STRN3: variants seen among roughly 807,000 people sequenced by gnomAD.
STRN3 encodes striatin 3.
A neutral mutation model predicts 95.6 loss-of-function variants in STRN3; 29 were observed. That is an observed-to-expected ratio of 0.30 (90% CI 0.23 to 0.41). The LOEUF (loss-of-function observed/expected upper bound fraction) is 0.41. STRN3 is among the 10% of genes least tolerant of loss of function. The pLI is 1.00. For synonymous variants in STRN3, 331 were observed against 357.6 expected, an observed-to-expected ratio of 0.93 and a Z score of 0.84; for missense variants, 890 against 972.1, an observed-to-expected ratio of 0.92 and a Z score of 1.12.
At chr14:30,957,483 A>G (rs368271636) in intron 1 of STRN3, among the ~76,000 whole-genome samples, 22 of 152,006 alleles carry the variant, frequency 1.4e-4, no homozygotes, top group African/African-American at 4.8e-4. Context: ...AGAGAGAAAA[A>G]AGAAAATGTA....
At chr14:30,910,317 G>A (rs138718038) in intron 13 of STRN3, among the ~76,000 whole-genome samples, 36 of 152,000 alleles carry the variant, frequency 2.4e-4, no homozygotes, top group Admixed American at 6.6e-4. Context: ...CCATCCCTTC[G>A]CTTATCTGTT....
At chr14:30,995,168 G>C (rs1449442469) in intron 1 of STRN3, among the ~76,000 whole-genome samples, 2 of 152,188 alleles carry the variant, frequency 1.3e-5, no homozygotes, top group East Asian at 1.9e-4. Context: ...TTCCAAAGCT[G>C]TGAATCATCT....
Position 31,021,116 on chromosome 14 carries a change from A to C in STRN3, c.282+4788T>G, listed in dbSNP as rs150507741. Among the ~76,000 whole-genome samples the C allele has an allele frequency of 6.9e-4, 105 of 152,328 alleles. No individual in the cohort carries two copies. In the East Asian group the frequency reaches 0.014, roughly 20 times the overall value. On this transcript the variant is annotated intron_variant, in intron 1 of 17. Coordinates refer to ENST00000357479, the MANE Select transcript of STRN3 (RefSeq NM_001083893.2). Reference sequence around the variant, plus strand: ...CGATGGGGAGGATAGTGTTAACTTTAATGTGGCAAGGAATAAAGAATGAGC... The same window carrying C: ...CGATGGGGAGGATAGTGTTAACTTTCATGTGGCAAGGAATAAAGAATGAGC...
intron 15 of STRN3, 123 bp downstream of exon 15, chr14:30,905,295 A>G (rs1425057542): frequency 1.9e-6 from 2 of 1,041,096 alleles, no homozygotes; most frequent in Non-Finnish European, 1.3e-6. Context: ...CTGTAACATT[A>G]TGAAACTAAT....
At chr14:30,947,846 A>G (rs750944098) in intron 4 of STRN3, among the ~76,000 whole-genome samples, 1 of 152,190 alleles carries the variant, frequency 6.6e-6, no homozygotes, top group Non-Finnish European at 1.5e-5. Flanking sequence ...CTAAGATGAG[A>G]CTGGAAAAGA....
intron 1 of STRN3, among the ~76,000 whole-genome samples, chr14:31,016,529 GAA>G (rs985722450): frequency 2.7e-4 from 41 of 151,496 alleles, no homozygotes; most frequent in African/African-American, 9.0e-4. Context: ...AAATATTCCA[GAA>G]AAATAATAAA....
intron 8 of STRN3, among the ~76,000 whole-genome samples, chr14:30,922,902 C>G (rs1412665445): frequency 6.6e-6 from 1 of 151,980 alleles, no homozygotes; most frequent in Non-Finnish European, 1.5e-5. Context: ...AGGCAAAATA[C>G]CTAAGTTATT....
At chr14:31,018,109 T>A (rs1883330042) in intron 1 of STRN3, among the ~76,000 whole-genome samples, 1 of 148,210 alleles carries the variant, frequency 6.7e-6, no homozygotes. Flanking sequence ...GGAAATTAAT[T>A]TAAATAAATT....
intron 1 of STRN3, among the ~76,000 whole-genome samples, chr14:31,006,494 G>A (rs896864321): frequency 6.6e-6 from 1 of 151,950 alleles, no homozygotes; most frequent in Non-Finnish European, 1.5e-5. Flanking sequence ...TTAGGAGTTC[G>A]AGACCAGCCT....
intron 1 of STRN3, among the ~76,000 whole-genome samples, chr14:30,972,574 G>A (rs1415990712): frequency 6.6e-6 from 1 of 152,084 alleles, no homozygotes; most frequent in Non-Finnish European, 1.5e-5. Flanking sequence ...ACTGAGACAG[G>A]AGGATCACCT....
intron 1 of STRN3, among the ~76,000 whole-genome samples, chr14:30,966,446 C>T (rs1014318502): frequency 5.3e-5 from 8 of 152,198 alleles, no homozygotes; most frequent in African/African-American, 1.7e-4. Flanking sequence ...GTCTCTGTTT[C>T]TCTCTCGTGA....
chr14:30,982,762 A>AT (rs1055999011), intron 1 of STRN3, among the ~76,000 whole-genome samples: 2 of 151,950 alleles, frequency 1.3e-5, no homozygotes, highest in African/African-American at 4.8e-5. Context: ...ATGGTACTTT[A>AT]TTTTTTTACT....
Position 30,911,759 on chromosome 14 carries a change from C to T in STRN3, c.1598+18G>A, listed in dbSNP as rs769653879. 9.4e-6 allele frequency: 15 copies of T among 1,589,650 alleles called. No homozygotes were observed. The highest frequency in any genetic ancestry group is 1.2e-5 in the Non-Finnish European group (14 of 1,167,334). On this transcript the variant is annotated intron_variant, in intron 12 of 17. Coordinates refer to ENST00000357479, the MANE Select transcript of STRN3 (RefSeq NM_001083893.2). ...AATAATGATGATGTTAATTAAATAC[C>T]AATTCAGTAAAACTTACATGTGGGC... is the stretch of plus-strand genomic sequence containing the variant.
At chr14:31,003,349 GA>G (rs546113177) in intron 1 of STRN3, among the ~76,000 whole-genome samples, 55 of 142,924 alleles carry the variant, frequency 3.8e-4, no homozygotes, top group East Asian at 3.2e-3. Flanking sequence ...TTAAAAATTG[GA>G]AAAAAAAAAA....
chr14:31,026,068 C>T lies in STRN3; in HGVS notation c.118G>A (p.Gly40Ser). Residue 40 changes from glycine to serine, a missense_variant, in exon 1 of 18, where the codon GGC (glycine) becomes AGC (serine). By Grantham distance (56) the Gly-to-Ser change is moderately conservative. Coordinates refer to ENST00000357479, the MANE Select transcript of STRN3 (RefSeq NM_001083893.2). ...CCCTCGGAGGCCGGAGGACCCCCGCCGCCCGCCGCTCCGTTCCCCCCGGGC... is the reference window on the plus strand; with the variant it reads ...CCCTCGGAGGCCGGAGGACCCCCGCTGCCCGCCGCTCCGTTCCCCCCGGGC... ...LSPGGNGAAG[G>S]GGPPASEGAG... The T allele has an allele frequency of 1.3e-6, 2 of 1,520,548 alleles. No homozygotes were observed. Among genetic ancestry groups the T allele is most frequent in the Non-Finnish European group, 1.8e-6 (2 of 1,136,138 alleles). 94.2% of individuals were successfully genotyped at this position (1,520,548 alleles called of 1,614,324 possible). A position where few individuals can be genotyped will look rare whatever the true frequency, so the allele number is the denominator to read the frequency against.
intron 1 of STRN3, among the ~76,000 whole-genome samples, chr14:30,969,675 G>A (rs988738211): frequency 6.6e-6 from 1 of 152,090 alleles, no homozygotes; most frequent in African/African-American, 2.4e-5. Flanking sequence ...CAGTAAGAAG[G>A]CACCAAAAAC....
chr14:30,995,346 A>C (rs1414699562), intron 1 of STRN3, among the ~76,000 whole-genome samples: 1 of 151,938 alleles, frequency 6.6e-6, no homozygotes, highest in East Asian at 1.9e-4. Context: ...AAACAAAAGA[A>C]CTCCCTTCTT....
chr14:30,923,320 T>C, intron 8 of STRN3, among the ~76,000 whole-genome samples: 1 of 152,288 alleles, frequency 6.6e-6, no homozygotes, highest in South Asian at 2.1e-4. Flanking sequence ...TACAAAACTT[T>C]AAAAATAAAA....
chr14:30,981,160 TA>T (rs1881376014), intron 1 of STRN3, among the ~76,000 whole-genome samples: 1 of 150,358 alleles, frequency 6.7e-6, no homozygotes, highest in African/African-American at 2.5e-5. Flanking sequence ...AAAAAAAGTT[TA>T]AAAATTAACC....
Sources: gnomAD v4.1 joint callset for allele counts (sites outside exome capture counted in the v4.1 genomes callset) on GRCh38, gnomAD v4.1.1 for gene constraint, MANE v1.5 for transcripts, NCBI Gene and HGNC (gene_info 2026-07-23, HGNC 2026-07-21) for gene names.